Variants in SS18 observed in about 807,000 individuals in gnomAD.
The protein encoded by SS18 is protein SSXT.
A neutral mutation model predicts 72.5 loss-of-function variants in SS18; 28 were observed. That is an observed-to-expected ratio of 0.39 (90% CI 0.29 to 0.53). The LOEUF (loss-of-function observed/expected upper bound fraction) is 0.53. SS18 is among the 20% of genes least tolerant of loss of function. SS18 has a pLI of 0.76. For synonymous variants in SS18, 172 were observed against 164.2 expected, an observed-to-expected ratio of 1.05 and a Z score of -0.37; for missense variants, 518 against 535.3, an observed-to-expected ratio of 0.97 and a Z score of 0.32.
intron 3 of SS18, among the ~76,000 whole-genome samples, chr18:26,076,254 C>CA (rs1046492633): frequency 6.7e-6 from 1 of 149,736 alleles, no homozygotes; most frequent in African/African-American, 2.5e-5. Context: ...AAAGAACCAA[C>CA]AGCCAAGATA....
rs1435246968 is a variant in SS18, at chr18:26,057,654, T to A, written c.320A>T (p.Asp107Val). ...AGGAGGACCCCCACCTACCATTCCA[T>A]CTGAAGGCATGTTGTGAGAGCGTGG... ...PPPRSHNMPS[D>V]GMVGGGPPAP... The change falls in exon 4 of 11, where the codon GAT (aspartate) becomes GTT (valine). Residue 107 changes from aspartate (D) to valine (V), a missense_variant. Transcript: ENST00000415083. The A allele has an allele frequency of 6.2e-7, 1 of 1,613,920 alleles. No individual in the cohort carries two copies. Among genetic ancestry groups the A allele is most frequent in the Non-Finnish European group, 8.5e-7 (1 of 1,179,994 alleles).
intron 3 of SS18, among the ~76,000 whole-genome samples, chr18:26,065,390 C>T (rs1208932275): frequency 6.6e-6 from 1 of 151,964 alleles, no homozygotes; most frequent in Non-Finnish European, 1.5e-5. Context: ...AGAAACAACC[C>T]ACATATACTG....
chr18:26,033,088 G>T (rs779098513), intron 9 of SS18, among the ~76,000 whole-genome samples: 1 of 152,162 alleles, frequency 6.6e-6, no homozygotes, highest in Non-Finnish European at 1.5e-5. Flanking sequence ...CAGGTTACAT[G>T]TGAAAAAACT....
In SS18 at chr18:26,039,190, A is replaced by G. The variant is rs946581597; in HGVS notation, c.775+99T>C. On this transcript the variant is annotated intron_variant, in intron 6 of 10. Coordinates refer to ENST00000415083, the MANE Select transcript of SS18 (RefSeq NM_001007559.3). ...TGTCAAAAAAAAAAAAAAAAAAAAAAAAAAAGAAAACGCCCTGACTTTGTC... is the reference window on the plus strand; with the variant it reads ...TGTCAAAAAAAAAAAAAAAAAAAAAGAAAAAGAAAACGCCCTGACTTTGTC... The G allele has an allele frequency of 5.4e-5, 52 of 962,502 alleles. 1 individual carries two copies. In the East Asian group the frequency reaches 6.4e-4, roughly 12 times the overall value. 59.6% of individuals were successfully genotyped at this position (962,502 alleles called of 1,614,324 possible).
intron 10 of SS18, among the ~76,000 whole-genome samples, chr18:26,025,932 GTC>G (rs1038770426): frequency 4.0e-5 from 6 of 151,652 alleles, no homozygotes; most frequent in African/African-American, 1.5e-4. Context: ...ATGGGGTTAT[GTC>G]CCAATTAACC....
At chr18:26,075,323 C>T (rs1409909308) in intron 3 of SS18, among the ~76,000 whole-genome samples, 1 of 151,790 alleles carries the variant, frequency 6.6e-6, no homozygotes, top group Non-Finnish European at 1.5e-5. Context: ...AAAATCCTAA[C>T]CAAAATTTTA....
intron 5 of SS18, among the ~76,000 whole-genome samples, chr18:26,048,196 A>C (rs543932344): frequency 2.6e-5 from 4 of 152,340 alleles, no homozygotes; most frequent in African/African-American, 9.6e-5. Context: ...ATTGAAAACA[A>C]TTTGGCAATG....
chr18:26,063,725 A>G (rs1240593400), intron 3 of SS18, among the ~76,000 whole-genome samples: 1 of 152,178 alleles, frequency 6.6e-6, no homozygotes, highest in African/African-American at 2.4e-5. Context: ...TAACACTATC[A>G]TCCTTTATTT....
intron 7 of SS18, among the ~76,000 whole-genome samples, chr18:26,037,946 AAAC>A (rs753574074): frequency 9.9e-5 from 15 of 152,126 alleles, no homozygotes; most frequent in Non-Finnish European, 1.6e-4. Context: ...TTCTACAAAA[AAAC>A]AAAAAACAAA....
At position 26,020,604 on chromosome 18, in the gene SS18, T is replaced by C. The variant is rs149941343; in HGVS notation, c.1231-2224A>G. Among the ~76,000 whole-genome samples the C allele has an allele frequency of 2.4e-3, 360 of 152,300 alleles. 1 individual carries two copies. The highest frequency in any genetic ancestry group is 5.9e-3 in the African/African-American group (245 of 41,560). ...ATATCCAAGCAACTGTGAACACTTA[T>C]GGAACAAATACTCATCATCATCAAA... is the stretch of plus-strand genomic sequence containing the variant. On this transcript the variant is annotated intron_variant, in intron 10 of 10. Coordinates refer to ENST00000415083, the MANE Select transcript of SS18 (RefSeq NM_001007559.3).
chr18:26,056,339 G>A (rs1244495247), intron 4 of SS18, among the ~76,000 whole-genome samples: 3 of 152,212 alleles, frequency 2.0e-5, no homozygotes, highest in South Asian at 4.1e-4. Context: ...TACCTTTCCA[G>A]TTCTAAAAAC....
chr18:26,054,595 A>T (rs1395999015), intron 4 of SS18, among the ~76,000 whole-genome samples: 1 of 152,184 alleles, frequency 6.6e-6, no homozygotes, highest in Non-Finnish European at 1.5e-5. Flanking sequence ...TTACATATGG[A>T]ATAAAATAAT....
At chr18:26,034,552 T>C (rs959697823) in intron 9 of SS18, among the ~76,000 whole-genome samples, 4 of 151,924 alleles carry the variant, frequency 2.6e-5, no homozygotes, top group Admixed American at 1.3e-4. Flanking sequence ...ACAAAAACAT[T>C]TTCTTTATGC....
intron 3 of SS18, among the ~76,000 whole-genome samples, chr18:26,072,206 AT>A (rs2144108998): frequency 6.6e-6 from 1 of 152,310 alleles, no homozygotes; most frequent in South Asian, 2.1e-4. Flanking sequence ...GTATATTATA[AT>A]CTATACAGTA....
intron 1 of SS18, among the ~76,000 whole-genome samples, chr18:26,087,867 C>A (rs565449787): frequency 6.6e-6 from 1 of 152,192 alleles, no homozygotes; most frequent in Non-Finnish European, 1.5e-5. Context: ...TAATTTAAAG[C>A]AACATTAGTG....
chr18:26,017,465 A>G lies in SS18; in HGVS notation c.*889T>C, dbSNP rs2053268513. 1.5e-5 allele frequency: 3 copies of G among 194,038 alleles called. No homozygotes were observed. The East Asian group carries it at 2.5e-4, about 16-fold the overall frequency. The allele number at this position is 194,038 out of a possible 1,614,324, so 12.0% of individuals were successfully genotyped here. A position where few individuals can be genotyped will look rare whatever the true frequency, so the allele number is the denominator to read the frequency against. On this transcript the variant is annotated 3_prime_UTR_variant, in exon 11 of 11. Transcript: ENST00000415083. ...TTGATATTACTTACTAAGTTCCCTG[A>G]TAACTCAAACAAGGTAAAATTAACA...
At position 26,020,680 on chromosome 18, in the gene SS18, A is replaced by G. The variant is rs76446748; in HGVS notation, c.1231-2300T>C. ...AAATTAAGGTATAATTACAAAACAG[A>G]TAAGTTCTCTAAGTCTTAGCAAACT... On this transcript the variant is annotated intron_variant, in intron 10 of 10. Coordinates refer to ENST00000415083, the MANE Select transcript of SS18 (RefSeq NM_001007559.3). 1.5e-3 allele frequency among the ~76,000 whole-genome samples: 228 copies of G among 152,342 alleles called. 5 individuals are homozygous for G. The East Asian group carries it at 0.04, about 27-fold the overall frequency.
rs1420022514 is a variant in SS18, at chr18:26,035,147, G to T, written c.974-20C>A. 6.2e-7 allele frequency: 1 copy of T among 1,605,350 alleles called. No individual in the cohort carries two copies. The highest frequency in any genetic ancestry group is 1.3e-5 in the African/African-American group (1 of 74,270). On this transcript the variant is annotated intron_variant, in intron 8 of 10. Transcript: ENST00000415083. The surrounding 1 kb of genome is among the most constrained non-coding windows in gnomAD (Gnocchi z 4.4). Reference sequence around the variant, plus strand: ...AATTTCCTACAGGATAATTGGAGAAGAGGAAAAAAAACTGAGAAGTCTGCT... The same window carrying T: ...AATTTCCTACAGGATAATTGGAGAATAGGAAAAAAAACTGAGAAGTCTGCT...
intron 3 of SS18, among the ~76,000 whole-genome samples, chr18:26,060,136 A>G (rs1303083243): frequency 6.6e-6 from 1 of 152,238 alleles, no homozygotes; most frequent in East Asian, 1.9e-4. Flanking sequence ...TAAAAACTGG[A>G]AAAAACTCAA....
Sources: gnomAD v4.1 joint callset for allele counts (sites outside exome capture counted in the v4.1 genomes callset) on GRCh38, gnomAD v4.1.1 for gene constraint, Gnocchi (gnomAD v3.1) non-coding constraint, MANE v1.5 for transcripts, NCBI Gene and HGNC (gene_info 2026-07-23, HGNC 2026-07-21) for gene names.